The following ROBO2 variants were observed in gnomAD, a reference collection of about 807,000 sequenced individuals.
ROBO2 encodes the protein roundabout homolog 2.
ROBO2 carries 53 observed loss-of-function variants against 160.8 expected under a neutral mutation model. The observed-to-expected ratio is 0.33, with a 90% CI of 0.26 to 0.41. The LOEUF (loss-of-function observed/expected upper bound fraction) is 0.41, where lower values mean the gene tolerates loss of function less well. ROBO2 is among the 10% of genes least tolerant of loss of function. ROBO2 has a pLI of 1.00. For missense variants in ROBO2, 1,577 were observed against 1,722.4 expected (o/e 0.92, Z 1.49); for synonymous variants, 664 against 611.7 (o/e 1.09, Z -1.26).
intron 2 of ROBO2, among the ~76,000 whole-genome samples, chr3:76,873,873 T>C (rs1193548147): frequency 6.6e-6 from 1 of 152,182 alleles, no homozygotes; most frequent in Non-Finnish European, 1.5e-5. Flanking sequence ...AGGCATATTG[T>C]GTATCTGAAG....
chr3:76,663,804 T>A (rs2091917704), intron 2 of ROBO2, among the ~76,000 whole-genome samples: 1 of 151,910 alleles, frequency 6.6e-6, no homozygotes, highest in South Asian at 2.1e-4. Flanking sequence ...CTCGGGAGGC[T>A]GAGGCAGGAG....
intron 2 of ROBO2, among the ~76,000 whole-genome samples, chr3:76,708,029 A>G (rs2093207804): frequency 6.6e-6 from 1 of 152,156 alleles, no homozygotes. Context: ...GGAATTTGGA[A>G]TGTATGTGCA....
At chr3:76,117,444 T>TTTATAG (rs2070521897) in intron 2 of ROBO2, among the ~76,000 whole-genome samples, 2 of 152,160 alleles carry the variant, frequency 1.3e-5, no homozygotes, top group South Asian at 4.1e-4. Context: ...ATAGTTACTG[T>TTTATAG]TTCCAACAGA....
intron 2 of ROBO2, among the ~76,000 whole-genome samples, chr3:76,285,751 C>T (rs903277073): frequency 3.9e-5 from 6 of 152,084 alleles, no homozygotes; most frequent in South Asian, 2.1e-4. Flanking sequence ...ATTCAAACAT[C>T]GAATTTAACC....
intron 2 of ROBO2, among the ~76,000 whole-genome samples, chr3:76,277,784 T>C (rs985667006): frequency 1.3e-5 from 2 of 151,952 alleles, no homozygotes; most frequent in Non-Finnish European, 1.5e-5. Context: ...GTTTTTATTC[T>C]CATATATATT....
intron 2 of ROBO2, among the ~76,000 whole-genome samples, chr3:76,471,665 A>G (rs1182953225): frequency 6.6e-6 from 1 of 152,140 alleles, no homozygotes; most frequent in Non-Finnish European, 1.5e-5. Flanking sequence ...TTGAATGTCT[A>G]AAAGTATAAC....
intron 2 of ROBO2, among the ~76,000 whole-genome samples, chr3:76,473,176 T>C (rs2107132114): frequency 6.6e-6 from 1 of 152,226 alleles, no homozygotes; most frequent in South Asian, 2.1e-4. Context: ...CTTCCAGTCT[T>C]TTTGAGTTGT....
intron 2 of ROBO2, among the ~76,000 whole-genome samples, chr3:76,768,980 T>G (rs570525098): frequency 6.6e-6 from 1 of 151,614 alleles, no homozygotes; most frequent in African/African-American, 2.4e-5. Flanking sequence ...TATTCCTTTT[T>G]AAAATTTCTG....
At chr3:77,420,948 T>G (rs1315929280) in intron 2 of ROBO2, among the ~76,000 whole-genome samples, 1 of 152,172 alleles carries the variant, frequency 6.6e-6, no homozygotes, top group African/African-American at 2.4e-5. Context: ...TAATTAAATG[T>G]CAAATTCCCA....
At chr3:76,155,149 A>G (rs1053694740) in intron 2 of ROBO2, among the ~76,000 whole-genome samples, 1 of 152,160 alleles carries the variant, frequency 6.6e-6, no homozygotes, top group East Asian at 1.9e-4. Flanking sequence ...ATAAATGTCA[A>G]AATTAGAATG....
chr3:77,274,869 CT>C (rs1353455917), intron 2 of ROBO2, among the ~76,000 whole-genome samples: 72 of 152,164 alleles, frequency 4.7e-4, no homozygotes, highest in African/African-American at 1.7e-3. Context: ...AAAGATTCTT[CT>C]ACTTTAGAGG....
intron 1 of ROBO2, among the ~76,000 whole-genome samples, chr3:75,916,813 G>C (rs528848513): frequency 3.1e-5 from 1 of 31,902 alleles, no homozygotes; most frequent in Non-Finnish European, 6.0e-5. Context: ...ATTCTCTTTA[G>C]TTCTTAGCTG....
intron 2 of ROBO2, among the ~76,000 whole-genome samples, chr3:77,011,050 C>CT (rs2061868562): frequency 3.5e-5 from 2 of 57,068 alleles, no homozygotes; most frequent in African/African-American, 2.0e-4. Flanking sequence ...TCTTTTCTTT[C>CT]TTTCTTCTTT....
chr3:76,078,954 C>A (rs2068729766), intron 2 of ROBO2, among the ~76,000 whole-genome samples: 2 of 152,042 alleles, frequency 1.3e-5, no homozygotes, highest in Admixed American at 6.6e-5. Flanking sequence ...GAGATAATAG[C>A]TCATTGTAGT....
chr3:77,124,641 G>C (rs541232816), intron 2 of ROBO2, among the ~76,000 whole-genome samples: 10 of 152,252 alleles, frequency 6.6e-5, no homozygotes, highest in African/African-American at 2.4e-4. Flanking sequence ...TGAGGGGTCT[G>C]TTGTATTCTT....
intron 1 of ROBO2, among the ~76,000 whole-genome samples, chr3:77,042,825 G>T (rs1209291189): frequency 6.6e-6 from 1 of 152,024 alleles, no homozygotes; most frequent in Non-Finnish European, 1.5e-5. Context: ...AACATTGTAG[G>T]ATAAGGGGGC....
intron 2 of ROBO2, among the ~76,000 whole-genome samples, chr3:77,467,630 TC>T (rs1278038965): frequency 1.4e-5 from 2 of 145,074 alleles, no homozygotes; most frequent in African/African-American, 5.1e-5. Flanking sequence ...TATCTATCTA[TC>T]ATCTATCTAT....
rs1468844079 is a variant in ROBO2 at position 76,935,974 on chromosome 3, G to C, written c.110-162040G>C. 4.6e-5 allele frequency among the ~76,000 whole-genome samples: 7 copies of C among 152,176 alleles called. No individual in the cohort carries two copies. In the East Asian group the frequency reaches 1.3e-3, roughly 29 times the overall value. ...TTCAACATAAGAATTTAGGTGGGGA[G>C]GGGACACAAACATAAGTGGCCAATT... On this transcript the variant is annotated intron_variant, in intron 2 of 26. Coordinates refer to the ROBO2 transcript ENST00000487694.
chr3:76,250,925 C>T (rs1387137989), intron 2 of ROBO2, among the ~76,000 whole-genome samples: 2 of 151,964 alleles, frequency 1.3e-5, no homozygotes, highest in Admixed American at 1.3e-4. Context: ...AACTTTTATT[C>T]TTATAATTCA....
Sources: gnomAD v4.1 joint callset for allele counts (sites outside exome capture counted in the v4.1 genomes callset) on GRCh38, gnomAD v4.1.1 for gene constraint, MANE v1.5 for transcripts, NCBI Gene and HGNC (gene_info 2026-07-23, HGNC 2026-07-21) for gene names.